The following CBFA2T3 variants were observed in gnomAD, a reference collection of about 807,000 sequenced individuals.
CBFA2T3 encodes the protein CBFA2/RUNX1 partner transcriptional co-repressor 3.
Under a neutral mutation model 58.6 loss-of-function variants are expected in CBFA2T3, and 31 were observed. The observed-to-expected ratio is 0.53, with a 90% CI of 0.40 to 0.71. The LOEUF (loss-of-function observed/expected upper bound fraction) is 0.71, where lower values mean the gene tolerates loss of function less well. Among genes scored for constraint, CBFA2T3 ranks in the 30% least tolerant of loss-of-function variants. The pLI, the probability that CBFA2T3 is intolerant of heterozygous loss-of-function variation, is 0.00. For missense variants in CBFA2T3, 1,076 were observed against 963.1 expected (o/e 1.12, Z -1.55); for synonymous variants, 531 against 421.9 (o/e 1.26, Z -3.17).
chr16:88,889,915 C>A lies in CBFA2T3; in HGVS notation c.711+1967G>T, dbSNP rs541702432. Among the ~76,000 whole-genome samples, 3 of 143,370 alleles carry A rather than the reference C, an allele frequency of 2.1e-5. No individual in the cohort carries two copies. The South Asian group carries it at 6.8e-4, about 32-fold the overall frequency. The allele number at this position is 143,370 out of a possible 152,430, so 94.1% of individuals were successfully genotyped here. ...TCCTCCTCCTTCAGGGACGACGCCC[C>A]GCGATTCCTCCTCCTCCAGGGACGA... On this transcript the variant is annotated intron_variant, in intron 5 of 11. Transcript: ENST00000268679.
intron 3 of CBFA2T3, among the ~76,000 whole-genome samples, chr16:88,896,507 T>C (rs1041885262): frequency 6.6e-6 from 1 of 152,192 alleles, no homozygotes; most frequent in Non-Finnish European, 1.5e-5. Flanking sequence ...TCTCGCCTTC[T>C]GAGCCTCTGT....
At chr16:88,962,668 C>G (rs1972396574) in intron 1 of CBFA2T3, among the ~76,000 whole-genome samples, 1 of 152,228 alleles carries the variant, frequency 6.6e-6, no homozygotes, top group South Asian at 2.1e-4. Flanking sequence ...AGCCACGTAG[C>G]CGGAGCCAGT....
At chr16:88,950,540 C>G (rs1201753092) in intron 1 of CBFA2T3, 1 of 423,692 alleles carries the variant, frequency 2.4e-6, no homozygotes, top group Non-Finnish European at 4.7e-6. Flanking sequence ...GTTCACCCGT[C>G]CCCTGGACCG....
chr16:88,895,906 G>A (rs545047605), intron 3 of CBFA2T3, among the ~76,000 whole-genome samples: 7 of 152,296 alleles, frequency 4.6e-5, no homozygotes, highest in Admixed American at 1.3e-4. Context: ...TTCTTCATTT[G>A]CAAATGGCTC....
chr16:88,918,450 C>A (rs1292532166), intron 1 of CBFA2T3, among the ~76,000 whole-genome samples: 1 of 152,242 alleles, frequency 6.6e-6, no homozygotes, highest in Non-Finnish European at 1.5e-5. Context: ...CAGCCCACAG[C>A]CGTGGGGAGG....
intron 11 of CBFA2T3, among the ~76,000 whole-genome samples, chr16:88,879,018 A>C (rs1022704461): frequency 1.3e-5 from 2 of 152,226 alleles, no homozygotes; most frequent in African/African-American, 4.8e-5. Context: ...GACCTCAGAC[A>C]AGCTGCCAAC....
Position 88,885,310 on chromosome 16 carries a change from G to C in CBFA2T3, c.894-41C>G. On this transcript the variant is annotated intron_variant, in intron 6 of 11. Coordinates refer to ENST00000268679, the MANE Select transcript of CBFA2T3 (RefSeq NM_005187.6). The surrounding 1 kb of genome is among the most constrained non-coding windows in gnomAD (Gnocchi z 5.3). The stretch of plus-strand genomic sequence containing the variant: ...GGTGGGGCGAGGGCAGTGGACATAG[G>C]ATGAACCGGGGACAGAGGTGCAGGT... 7.1e-7 allele frequency: 1 copy of C among 1,410,434 alleles called. No individual in the cohort carries two copies. The allele number at this position is 1,410,434 out of a possible 1,614,324, so 87.4% of individuals were successfully genotyped here.
At chr16:88,895,733 G>A (rs943233456) in intron 3 of CBFA2T3, among the ~76,000 whole-genome samples, 3 of 152,194 alleles carry the variant, frequency 2.0e-5, no homozygotes, top group East Asian at 1.9e-4. Flanking sequence ...CCAGGAGGGC[G>A]GGGGATGCTA....
intron 1 of CBFA2T3, among the ~76,000 whole-genome samples, chr16:88,975,134 G>C (rs11865568): frequency 0.025 from 1,839 of 73,812 alleles, 37 homozygotes; most frequent in Middle Eastern, 0.091. Context: ...CTCTGCTCCT[G>C]ACCTGCAGCC....
At chr16:88,935,967 C>T (rs564935687) in intron 1 of CBFA2T3, among the ~76,000 whole-genome samples, 7 of 152,282 alleles carry the variant, frequency 4.6e-5, no homozygotes, top group Admixed American at 1.3e-4. Context: ...TCCAAGAAAC[C>T]GAGGGGCTGC....
chr16:88,930,930 G>T (rs1293276431), intron 1 of CBFA2T3, among the ~76,000 whole-genome samples: 1 of 151,878 alleles, frequency 6.6e-6, no homozygotes, highest in Non-Finnish European at 1.5e-5. Flanking sequence ...GAGCTGGCGG[G>T]GGGCGTGGCG....
intron 1 of CBFA2T3, among the ~76,000 whole-genome samples, chr16:88,970,039 C>T (rs1237257342): frequency 1.3e-5 from 2 of 152,200 alleles, no homozygotes; most frequent in Non-Finnish European, 2.9e-5. Context: ...GTCCTCGTCT[C>T]CACAAAGGGG....
At chr16:88,902,194 G>A (rs989366864) in intron 1 of CBFA2T3, among the ~76,000 whole-genome samples, 1 of 152,228 alleles carries the variant, frequency 6.6e-6, no homozygotes, top group East Asian at 1.9e-4. Context: ...GGCTCCCCTG[G>A]GCTGGGGGGC....
intron 1 of CBFA2T3, among the ~76,000 whole-genome samples, chr16:88,974,226 A>G (rs963013574): frequency 6.6e-6 from 1 of 152,012 alleles, no homozygotes; most frequent in African/African-American, 2.4e-5. Context: ...GCTTGGGGGG[A>G]CAAGGCGGTG....
chr16:88,881,996 G>C (rs188283754), intron 8 of CBFA2T3, among the ~76,000 whole-genome samples: 4 of 152,348 alleles, frequency 2.6e-5, no homozygotes, highest in African/African-American at 9.6e-5. Flanking sequence ...CACACTTCTT[G>C]CAAGACTCAG....
At chr16:88,903,469 C>A (rs978851617) in intron 1 of CBFA2T3, among the ~76,000 whole-genome samples, 6 of 152,156 alleles carry the variant, frequency 3.9e-5, no homozygotes, top group Admixed American at 3.9e-4. Context: ...CAGCCGCTGA[C>A]CTCCCTCGCA....
chr16:88,948,205 C>T (rs1456711629), intron 1 of CBFA2T3, among the ~76,000 whole-genome samples: 2 of 152,226 alleles, frequency 1.3e-5, no homozygotes, highest in Non-Finnish European at 2.9e-5. Context: ...TCATCAAAGT[C>T]ATTTTTAATA....
intron 1 of CBFA2T3, among the ~76,000 whole-genome samples, chr16:88,960,702 G>A (rs1463207051): frequency 6.6e-6 from 1 of 152,242 alleles, no homozygotes; most frequent in Non-Finnish European, 1.5e-5. Context: ...AGAAATGCCA[G>A]GTACCAGACA....
At chr16:88,916,717 C>T (rs570463816) in intron 1 of CBFA2T3, among the ~76,000 whole-genome samples, 82 of 152,252 alleles carry the variant, frequency 5.4e-4, no homozygotes, top group Middle Eastern at 6.8e-3. Context: ...TTATTGTATG[C>T]CACATCCTTG....
Sources: allele counts gnomAD v4.1 joint callset (sites outside exome capture counted in the v4.1 genomes callset), GRCh38; gene constraint gnomAD v4.1.1; non-coding constraint Gnocchi (gnomAD v3.1); transcripts MANE v1.5; gene names NCBI Gene and HGNC (gene_info 2026-07-23, HGNC 2026-07-21).